Variants in DGKG observed in about 807,000 individuals in gnomAD.
The protein encoded by DGKG is DAG kinase gamma.
DGKG carries 78 observed loss-of-function variants against 105.3 expected under a neutral mutation model. That is an observed-to-expected ratio of 0.74 (90% confidence interval 0.62 to 0.89). The LOEUF (loss-of-function observed/expected upper bound fraction) is 0.89. Among genes scored for constraint, DGKG ranks in the 40% least tolerant of loss-of-function variants. The pLI is 0.00. For synonymous variants in DGKG, 346 were observed against 367.1 expected (o/e 0.94, Z 0.66); for missense variants, 958 against 1,020.1 (o/e 0.94, Z 0.83).
intron 21 of DGKG, among the ~76,000 whole-genome samples, chr3:186,208,561 A>G (rs1010616262): frequency 1.3e-5 from 2 of 152,208 alleles, no homozygotes; most frequent in Non-Finnish European, 1.5e-5. Flanking sequence ...AAGTGAGGAC[A>G]TTAATATTGG....
At position 186,304,254 on chromosome 3, in the gene DGKG, G is replaced by C. The variant is rs539697557; in HGVS notation, c.144+2647C>G. On this transcript the variant is annotated intron_variant, in intron 3 of 24. Transcript: ENST00000265022. ...CCCGTGTTTTTGGAGCTGGGGGTGG[G>C]GGGTGTGGGGCAGTGAGTTCTTTGC... Among the ~76,000 whole-genome samples, 5 of 152,330 alleles carry C rather than the reference G, an allele frequency of 3.3e-5. No individual in the cohort carries two copies. The East Asian group carries it at 7.7e-4, about 23-fold the overall frequency.
At chr3:186,315,923 G>T (rs777770667) in intron 2 of DGKG, among the ~76,000 whole-genome samples, 51 of 152,232 alleles carry the variant, frequency 3.4e-4, no homozygotes, top group Non-Finnish European at 4.6e-4. Flanking sequence ...CTGATCCCAG[G>T]TGCTAAAAAG....
At chr3:186,220,439 AC>A (rs767283540) in intron 20 of DGKG, among the ~76,000 whole-genome samples, 1 of 152,024 alleles carries the variant, frequency 6.6e-6, no homozygotes, top group African/African-American at 2.4e-5. Context: ...TGGAATACAA[AC>A]CCCGTCTTCC....
chr3:186,257,495 T>C (rs1279199137), intron 17 of DGKG, among the ~76,000 whole-genome samples: 2 of 152,176 alleles, frequency 1.3e-5, no homozygotes, highest in East Asian at 3.9e-4. Flanking sequence ...TGATCTATGC[T>C]TAGTTCTCTG....
At chr3:186,299,841 T>TTTCTTTCTTTCTTTCCTTCCTTCCTTC (rs1446531456) in intron 3 of DGKG, among the ~76,000 whole-genome samples, 1 of 74,614 alleles carries the variant, frequency 1.3e-5, no homozygotes, top group African/African-American at 5.9e-5. Context: ...TTCTTTCTTT[T>TTTCTTTCTTTCTTTCCTTCCTTCCTTC]TTTTTTTTTT....
chr3:186,302,577 T>C (rs1319013770), intron 3 of DGKG, among the ~76,000 whole-genome samples: 1 of 138,224 alleles, frequency 7.2e-6, no homozygotes, highest in African/African-American at 2.8e-5. Context: ...TATATATATA[T>C]ACCCACATAC....
At chr3:186,204,759 G>A (rs1026207306) in intron 21 of DGKG, among the ~76,000 whole-genome samples, 13 of 152,188 alleles carry the variant, frequency 8.5e-5, no homozygotes, top group African/African-American at 2.4e-4. Context: ...GCTCATGTGC[G>A]AGAAACTCTC....
At chr3:186,286,868 T>C (rs1243507834) in intron 6 of DGKG, among the ~76,000 whole-genome samples, 1 of 151,960 alleles carries the variant, frequency 6.6e-6, no homozygotes. Flanking sequence ...ACTCCGTATC[T>C]ACCAAAAATA....
At chr3:186,328,283 A>C (rs1296035705) in intron 1 of DGKG, among the ~76,000 whole-genome samples, 1 of 152,162 alleles carries the variant, frequency 6.6e-6, no homozygotes, top group Non-Finnish European at 1.5e-5. Context: ...GCGGTGGTTG[A>C]TGATTCCCTG....
chr3:186,332,041 T>C lies in DGKG; in HGVS notation c.-248-11334A>G, dbSNP rs187591854. On this transcript the variant is annotated intron_variant, in intron 1 of 24. Coordinates refer to ENST00000265022, the MANE Select transcript of DGKG (RefSeq NM_001346.3). ...CAAAGCTCATGGTAACATCTTTGGA[T>C]GAATGAGTGCTGAGTACCTAAGTGT... 5.1e-4 allele frequency among the ~76,000 whole-genome samples: 77 copies of C among 152,156 alleles called. No homozygotes were observed. The Middle Eastern group carries it at 0.014, about 27-fold the overall frequency.
intron 1 of DGKG, among the ~76,000 whole-genome samples, chr3:186,342,234 G>A (rs199986430): frequency 1.2e-3 from 181 of 152,262 alleles, no homozygotes; most frequent in Admixed American, 2.5e-3. Context: ...GATTTGTTAC[G>A]GAAATTCACG....
At chr3:186,201,029 C>A (rs1718432880) in intron 21 of DGKG, among the ~76,000 whole-genome samples, 1 of 152,160 alleles carries the variant, frequency 6.6e-6, no homozygotes, top group Non-Finnish European at 1.5e-5. Flanking sequence ...GCACTGGGTG[C>A]CAGTTTCCAA....
intron 11 of DGKG, among the ~76,000 whole-genome samples, chr3:186,270,976 G>A (rs933326632): frequency 1.3e-5 from 2 of 152,238 alleles, no homozygotes; most frequent in Non-Finnish European, 2.9e-5. Context: ...GAAAGGCATG[G>A]ACATGGAGCA....
chr3:186,257,394 C>T (rs1389063067), intron 17 of DGKG, among the ~76,000 whole-genome samples: 1 of 152,232 alleles, frequency 6.6e-6, no homozygotes, highest in Non-Finnish European at 1.5e-5. Flanking sequence ...TCAGTGTGGT[C>T]CTTCTTTGCT....
chr3:186,186,630 CA>C (rs1285194015), intron 22 of DGKG, among the ~76,000 whole-genome samples: 1 of 152,138 alleles, frequency 6.6e-6, no homozygotes, highest in Non-Finnish European at 1.5e-5. Flanking sequence ...ACTGGGGTGC[CA>C]AAAATAGGTT....
chr3:186,151,379 C>T (rs776362700), intron 24 of DGKG, among the ~76,000 whole-genome samples: 11 of 152,188 alleles, frequency 7.2e-5, no homozygotes, highest in African/African-American at 9.7e-5. Flanking sequence ...ACAGAACCAT[C>T]AACGAGTTTA....
chr3:186,177,902 C>T (rs2108491717), intron 22 of DGKG, among the ~76,000 whole-genome samples: 1 of 152,270 alleles, frequency 6.6e-6, no homozygotes, highest in Non-Finnish European at 1.5e-5. Flanking sequence ...TGTTCCCCTC[C>T]CCCCATATTC....
At position 186,150,016 on chromosome 3, in the gene DGKG, A is replaced by C; in HGVS notation, c.*74T>G. ...TGTGTGTGTGCATGTGTGAGTGTGC[A>C]CATAAATTGTGTGTGAGTGTGCATT... is the stretch of plus-strand genomic sequence containing the variant. On this transcript the variant is annotated 3_prime_UTR_variant, in exon 25 of 25. Transcript: ENST00000265022. 2 of 1,539,450 alleles carry C rather than the reference A, an allele frequency of 1.3e-6. No homozygotes were observed.
At chr3:186,314,653 CTG>C (rs1046369803) in intron 2 of DGKG, among the ~76,000 whole-genome samples, 6 of 150,804 alleles carry the variant, frequency 4.0e-5, no homozygotes, top group African/African-American at 1.5e-4. Flanking sequence ...ACTTGGGAGA[CTG>C]AGGCAGGAGA....
Sources: gnomAD v4.1 joint callset for allele counts (sites outside exome capture counted in the v4.1 genomes callset) on GRCh38, gnomAD v4.1.1 for gene constraint, MANE v1.5 for transcripts, NCBI Gene and HGNC (gene_info 2026-07-23, HGNC 2026-07-21) for gene names.